Variants in ANO10 observed in about 807,000 individuals in gnomAD.
ANO10 encodes the protein anoctamin-10.
ANO10 carries 77 observed loss-of-function variants against 74.7 expected under a neutral mutation model. The ratio of observed to expected loss-of-function variants is 1.03; its 90% CI spans 0.86 to 1.25. ANO10 has a LOEUF of 1.25. Ranked by LOEUF, ANO10 falls within the 50% of genes most tolerant of loss-of-function variation. ANO10 has a pLI of 0.00. For synonymous variants in ANO10, 279 were observed against 284.9 expected (o/e 0.98, Z 0.21); for missense variants, 721 against 778.1 (o/e 0.93, Z 0.87).
chr3:43,638,860 T>C (rs1371747529), intron 1 of ANO10: 1 of 152,252 alleles, frequency 6.6e-6, no homozygotes, highest in Non-Finnish European at 1.5e-5. Context: ...GTCACTCAGT[T>C]TCTGACAGGA....
At chr3:43,466,013 G>A (rs1177757996) in intron 11 of ANO10, among the ~76,000 whole-genome samples, 2 of 151,980 alleles carry the variant, frequency 1.3e-5, no homozygotes, top group African/African-American at 4.8e-5. Flanking sequence ...AATCCAGAAC[G>A]GCAAAACAAC....
At chr3:43,465,532 T>C (rs1244589371) in intron 11 of ANO10, among the ~76,000 whole-genome samples, 1 of 152,168 alleles carries the variant, frequency 6.6e-6, no homozygotes, top group Non-Finnish European at 1.5e-5. Context: ...CAGGCACCTG[T>C]AATCTCAGCT....
intron 1 of ANO10, among the ~76,000 whole-genome samples, chr3:43,616,044 G>A (rs909335095): frequency 1.3e-5 from 2 of 152,128 alleles, no homozygotes; most frequent in Non-Finnish European, 1.5e-5. Context: ...AAGCTACCTA[G>A]ATTTAAAATG....
intron 9 of ANO10, among the ~76,000 whole-genome samples, chr3:43,556,120 A>G (rs2079735508): frequency 1.3e-5 from 2 of 152,194 alleles, no homozygotes; most frequent in Non-Finnish European, 1.5e-5. Context: ...TGCAGCATCT[A>G]GTTATGGTTC....
intron 11 of ANO10, among the ~76,000 whole-genome samples, chr3:43,473,616 G>C (rs1036543106): frequency 6.6e-6 from 1 of 152,186 alleles, no homozygotes; most frequent in African/African-American, 2.4e-5. Context: ...GCCCAATACT[G>C]TTCCTAGACA....
chr3:43,475,759 T>A (rs1421486408), intron 11 of ANO10, among the ~76,000 whole-genome samples: 5 of 152,104 alleles, frequency 3.3e-5, no homozygotes, highest in African/African-American at 1.2e-4. Context: ...CTACCACACC[T>A]GGCAAAGTTT....
chr3:43,404,476 G>A (rs73076886), intron 12 of ANO10, among the ~76,000 whole-genome samples: 92 of 152,304 alleles, frequency 6.0e-4, no homozygotes, highest in Non-Finnish European at 1.2e-3. Flanking sequence ...ACCCTGAGCA[G>A]GGGACCCAGT....
rs189852721 is a variant in ANO10 at position 43,434,159 on chromosome 3, C to G, written c.1798-1432G>C. Among the ~76,000 whole-genome samples, 43 of 152,272 alleles carry G rather than the reference C, an allele frequency of 2.8e-4. No homozygotes were observed. In the East Asian group the frequency reaches 8.3e-3, roughly 29 times the overall value. Reference sequence around the variant, plus strand: ...CAGCAGAACCCCAGGACAGGCTAAGCAGTGGCTGGTATTAACAAGAGACAA... The same window carrying G: ...CAGCAGAACCCCAGGACAGGCTAAGGAGTGGCTGGTATTAACAAGAGACAA... On this transcript the variant is annotated intron_variant, in intron 11 of 12. Transcript: ENST00000292246.
chr3:43,430,422 AT>A (rs2092963630), intron 12 of ANO10, among the ~76,000 whole-genome samples: 1 of 151,804 alleles, frequency 6.6e-6, no homozygotes, highest in Non-Finnish European at 1.5e-5. Flanking sequence ...CATTTTTTAC[AT>A]TTAAATCTGT....
Position 43,432,944 on chromosome 3 carries a change from C to CTTTTTTTTTTT in ANO10, c.1798-228_1798-218dup, listed in dbSNP as rs5848663. Reference sequence around the variant, plus strand: ...CAGTAATTACTGACTTTGCTTAATTCTTTTTTTTTTTTTTTTTTTTTTTTT... The same window carrying CTTTTTTTTTTT: ...CAGTAATTACTGACTTTGCTTAATTCTTTTTTTTTTTTTTTTTTTTTTTTTTTTTTTTTTTT... On this transcript the variant is annotated intron_variant, in intron 11 of 12. Transcript: ENST00000292246. 1.7e-3 allele frequency among the ~76,000 whole-genome samples: 93 copies of CTTTTTTTTTTT among 55,284 alleles called. 17 individuals carry two copies. Among genetic ancestry groups the CTTTTTTTTTTT allele is most frequent in the South Asian group, 2.0e-3 (2 of 1,000 alleles). 36.3% of individuals were successfully genotyped at this position (55,284 alleles called of 152,430 possible).
chr3:43,517,082 G>C (rs774827198), intron 11 of ANO10, among the ~76,000 whole-genome samples: 3 of 152,156 alleles, frequency 2.0e-5, no homozygotes, highest in Admixed American at 6.5e-5. Context: ...TCAAGCTTAA[G>C]CCCAGGCCTC....
At chr3:43,553,860 A>G (rs1212899601) in intron 10 of ANO10, among the ~76,000 whole-genome samples, 1 of 151,982 alleles carries the variant, frequency 6.6e-6, no homozygotes, top group Non-Finnish European at 1.5e-5. Flanking sequence ...TCTATTTTCC[A>G]GTTTCTGATT....
intron 11 of ANO10, among the ~76,000 whole-genome samples, chr3:43,470,151 T>C (rs2075792150): frequency 6.6e-6 from 1 of 152,306 alleles, no homozygotes; most frequent in East Asian, 1.9e-4. Flanking sequence ...TACTCAGTGG[T>C]AAGAAGAAAT....
Position 43,675,297 on chromosome 3 carries a change from A to G in ANO10, c.-12+16220T>C, listed in dbSNP as rs565008384. Among the ~76,000 whole-genome samples, 87 of 152,316 alleles carry G rather than the reference A, an allele frequency of 5.7e-4. 1 individual carries two copies. The highest frequency in any genetic ancestry group is 2.0e-3 in the African/African-American group (84 of 41,542). ...ACTTTTAGAAAAAAACATAGGAGAA[A>G]CACAGGATCCTCAAGACCTCAAGCT... On this transcript the variant is annotated intron_variant, in intron 1 of 3. Transcript: ENST00000413397.
chr3:43,658,475 A>ATTG (rs1436304863), intron 1 of ANO10, among the ~76,000 whole-genome samples: 4 of 151,354 alleles, frequency 2.6e-5, no homozygotes, highest in Admixed American at 2.6e-4. Flanking sequence ...TATTATTATT[A>ATTG]TTATTATTTT....
intron 12 of ANO10, among the ~76,000 whole-genome samples, chr3:43,403,889 C>A (rs180674067): frequency 1.3e-5 from 2 of 152,084 alleles, no homozygotes; most frequent in Non-Finnish European, 2.9e-5. Flanking sequence ...CTGCTCCCCC[C>A]ACTACACAAT....
intron 12 of ANO10, among the ~76,000 whole-genome samples, chr3:43,414,334 C>T (rs921651640): frequency 2.6e-5 from 4 of 152,134 alleles, no homozygotes; most frequent in Admixed American, 6.5e-5. Context: ...AGACAAGATA[C>T]TATACTTGCA....
chr3:43,558,187 T>C (rs1325991668), intron 9 of ANO10, among the ~76,000 whole-genome samples: 1 of 151,804 alleles, frequency 6.6e-6, no homozygotes, highest in Non-Finnish European at 1.5e-5. Flanking sequence ...TTAACATAAA[T>C]GTCTTTTGAA....
In ANO10 at chr3:43,414,626, G is replaced by A. The variant is rs531881110; in HGVS notation, c.1914+17985C>T. 2.5e-3 allele frequency among the ~76,000 whole-genome samples: 382 copies of A among 152,250 alleles called. 1 individual carries two copies. The highest frequency in any genetic ancestry group is 8.5e-3 in the African/African-American group (353 of 41,534). On this transcript the variant is annotated intron_variant, in intron 12 of 12. Coordinates refer to ENST00000292246, the MANE Select transcript of ANO10 (RefSeq NM_018075.5). ...ACCTGTTTTTGGTTAAAATACAGTG[G>A]GATAGTAAATATTTTTAAGGACTCA...
Sources: gnomAD v4.1 joint callset for allele counts (sites outside exome capture counted in the v4.1 genomes callset) on GRCh38, gnomAD v4.1.1 for gene constraint, MANE v1.5 for transcripts, NCBI Gene and HGNC (gene_info 2026-07-23, HGNC 2026-07-21) for gene names.